The following ZNF623 variants were observed in gnomAD, a reference collection of about 807,000 sequenced individuals.
ZNF623 encodes the protein zinc finger protein 623.
A neutral mutation model predicts 24.0 loss-of-function variants in ZNF623; 16 were observed. The observed-to-expected ratio is 0.67, with a 90% CI of 0.45 to 1.01. The LOEUF (loss-of-function observed/expected upper bound fraction) is 1.01, where lower values mean the gene tolerates loss of function less well. Ranked by LOEUF, ZNF623 falls within the 50% of genes least tolerant of loss-of-function variation. ZNF623 has a pLI of 0.00. For synonymous variants in ZNF623, 224 were observed against 219.8 expected (o/e 1.02, Z -0.17); for missense variants, 566 against 606.5 (o/e 0.93, Z 0.70).
At chr8:143,640,337 C>G (rs1173933450) in intron 1 of ZNF623, among the ~76,000 whole-genome samples, 1 of 152,150 alleles carries the variant, frequency 6.6e-6, no homozygotes, top group Non-Finnish European at 1.5e-5. Context: ...GCTGACTGAT[C>G]AGGGTGATGG....
chr8:143,651,285 G>A lies in ZNF623; in HGVS notation c.1293G>A (p.Arg431=). Residue 431 remains arginine (R), a synonymous_variant, in exon 2 of 2, where the codon AGG becomes AGA. Transcript: ENST00000526926. ...ATTGTGGGAAAGGCTTTATTCAGAG[G>A]TCAAACTTCCTTCAACACCAGAAAA... ...CSYCGKGFIQ[R]SNFLQHQKIH... The A allele has an allele frequency of 6.2e-7, 1 of 1,614,228 alleles. No homozygotes were observed. Among genetic ancestry groups the A allele is most frequent in the Non-Finnish European group, 8.5e-7 (1 of 1,180,052 alleles).
At position 143,650,369 on chromosome 8, in the gene ZNF623, T is replaced by G. The variant is rs1484214734; in HGVS notation, c.377T>G (p.Leu126Arg). The G allele has an allele frequency of 7.4e-6, 12 of 1,614,108 alleles. No individual in the cohort carries two copies. The highest frequency in any genetic ancestry group is 1.0e-5 in the Non-Finnish European group (12 of 1,180,058). The change falls in exon 2 of 2, where the codon CTT becomes CGT. Residue 126 changes from leucine (L) to arginine (R), a missense_variant. Around this residue, in one of 3 missense-constraint regions of ZNF623, gnomAD observed 313 missense variants for 300.4 expected, o/e 1.04. Transcript: ENST00000526926. The surrounding 1 kb of genome is among the most constrained non-coding windows in gnomAD (Gnocchi z 5.2). ...AAAGGCTTTGGCCAGAGCTCACACC[T>G]TATGGAGCATCAGAGAATTCACACT... is the stretch of plus-strand genomic sequence containing the variant. ...CGKGFGQSSH[L>R]MEHQRIHTGE...
At chr8:143,640,157 A>T (rs189140863) in intron 1 of ZNF623, among the ~76,000 whole-genome samples, 1 of 152,372 alleles carries the variant, frequency 6.6e-6, no homozygotes, top group East Asian at 1.9e-4. Context: ...TTAGCTTCCC[A>T]GTGTATATAA....
intron 1 of ZNF623, among the ~76,000 whole-genome samples, chr8:143,638,747 T>C (rs139062620): frequency 6.6e-6 from 1 of 151,682 alleles, no homozygotes; most frequent in African/African-American, 2.4e-5. Context: ...AGAGTGAGAC[T>C]CTGTCTCAAA....
chr8:143,639,162 G>C (rs1814991964), intron 1 of ZNF623, among the ~76,000 whole-genome samples: 1 of 151,612 alleles, frequency 6.6e-6, no homozygotes. Context: ...AAAGTGCTGG[G>C]ATTACAGGCA....
intron 1 of ZNF623, among the ~76,000 whole-genome samples, chr8:143,645,161 C>T (rs906456448): frequency 2.0e-4 from 29 of 144,634 alleles, no homozygotes; most frequent in Non-Finnish European, 1.4e-4. Context: ...TACAAATGGT[C>T]GGCCGAGCGT....
At chr8:143,636,570 G>T (rs1468527317) in intron 1 of ZNF623, among the ~76,000 whole-genome samples, 1 of 152,220 alleles carries the variant, frequency 6.6e-6, no homozygotes, top group East Asian at 1.9e-4. Context: ...CTGGGTGTGG[G>T]CGTTCCCGCG....
intron 1 of ZNF623, among the ~76,000 whole-genome samples, chr8:143,644,994 G>A (rs1174365218): frequency 6.6e-6 from 1 of 152,034 alleles, no homozygotes; most frequent in Non-Finnish European, 1.5e-5. Context: ...TGGGTGTGAT[G>A]GCGCAAGCCT....
chr8:143,646,409 T>C (rs962745993), intron 1 of ZNF623, among the ~76,000 whole-genome samples: 1 of 152,166 alleles, frequency 6.6e-6, no homozygotes, highest in Non-Finnish European at 1.5e-5. Context: ...CAGATATTGA[T>C]GAAATGTATT....
rs562678913 is a variant in ZNF623 at position 143,652,307 on chromosome 8, A to G, written c.*824A>G. 6.6e-5 allele frequency: 11 copies of G among 167,268 alleles called. No individual in the cohort carries two copies. The highest frequency in any genetic ancestry group is 1.0e-4 in the Non-Finnish European group (7 of 68,132). 10.4% of individuals were successfully genotyped at this position (167,268 alleles called of 1,614,324 possible). ...ACTATGCTGTTGGGTTCCTGAGGAC[A>G]GTGATCATATCTGATTGATTTCCAT... On this transcript the variant is annotated 3_prime_UTR_variant, in exon 2 of 2. Coordinates refer to ENST00000526926, the MANE Select transcript of ZNF623 (RefSeq NM_001261843.2).
In ZNF623 at chr8:143,653,235, G is replaced by A. The variant is rs1025679917; in HGVS notation, c.*1752G>A. 24 of 167,056 alleles carry A rather than the reference G, an allele frequency of 1.4e-4. No individual in the cohort carries two copies. The highest frequency in any genetic ancestry group is 2.9e-5 in the Non-Finnish European group (2 of 68,114). The allele number at this position is 167,056 out of a possible 1,614,324, so 10.3% of individuals were successfully genotyped here. ...TTACCTCTGAATTTCATCTGGACATGAACCCCAAAGTCCAGTTTTGTAACG... is the reference window on the plus strand; with the variant it reads ...TTACCTCTGAATTTCATCTGGACATAAACCCCAAAGTCCAGTTTTGTAACG... On this transcript the variant is annotated 3_prime_UTR_variant, in exon 2 of 2. Transcript: ENST00000526926.
chr8:143,647,078 A>G (rs1331807491), intron 1 of ZNF623, among the ~76,000 whole-genome samples: 1 of 151,994 alleles, frequency 6.6e-6, no homozygotes, highest in Non-Finnish European at 1.5e-5. Flanking sequence ...TGATTGGTCA[A>G]GTGGTCAGAA....
chr8:143,653,312 C>T lies in ZNF623; in HGVS notation c.*1829C>T, dbSNP rs747371028. 6 of 166,990 alleles carry T rather than the reference C, an allele frequency of 3.6e-5. No individual in the cohort carries two copies. Among genetic ancestry groups the T allele is most frequent in the Non-Finnish European group, 7.3e-5 (5 of 68,110 alleles). 10.3% of individuals were successfully genotyped at this position (166,990 alleles called of 1,614,324 possible). A position where few individuals can be genotyped will look rare whatever the true frequency, so the allele number is the denominator to read the frequency against. Reference sequence around the variant, plus strand: ...ATTTTGAGTTCTTAAATACTACCAACCCTGAACGTCTCAGGACAAATAATT... The same window carrying T: ...ATTTTGAGTTCTTAAATACTACCAATCCTGAACGTCTCAGGACAAATAATT... On this transcript the variant is annotated 3_prime_UTR_variant, in exon 2 of 2. Coordinates refer to ENST00000526926, the MANE Select transcript of ZNF623 (RefSeq NM_001261843.2).
Position 143,651,536 on chromosome 8 carries a change from ATTC to A in ZNF623, c.*54_*56del. 6.6e-7 allele frequency: 1 copy of A among 1,521,072 alleles called. No individual in the cohort carries two copies. Among genetic ancestry groups the A allele is most frequent in the Non-Finnish European group, 8.8e-7 (1 of 1,136,520 alleles). The allele number at this position is 1,521,072 out of a possible 1,614,324, so 94.2% of individuals were successfully genotyped here. A position where few individuals can be genotyped will look rare whatever the true frequency, so the allele number is the denominator to read the frequency against. On this transcript the variant is annotated 3_prime_UTR_variant, in exon 2 of 2. Transcript: ENST00000526926. The stretch of plus-strand genomic sequence containing the variant: ...ATGTTTGGAAATGCGTGGAATTAGG[ATTC>A]ATGTGGTTTCTAAGATTTGGACATG...
rs200303336 is a variant in ZNF623 at position 143,647,147 on chromosome 8, G to GT, written c.-95-2737dup. 7.3e-4 allele frequency among the ~76,000 whole-genome samples: 98 copies of GT among 133,936 alleles called. 1 individual carries two copies. In the South Asian group the frequency reaches 7.7e-3, roughly 10 times the overall value. The allele number at this position is 133,936 out of a possible 152,430, so 87.9% of individuals were successfully genotyped here. ...ATGCTGAGGGTGGGGGTGCCTTGCT[G>GT]TTTTTTTTTTTTTTGTTTTGTTTCG... On this transcript the variant is annotated intron_variant, in intron 1 of 1. Transcript: ENST00000526926.
intron 1 of ZNF623, among the ~76,000 whole-genome samples, chr8:143,642,205 G>A (rs934903197): frequency 1.3e-5 from 2 of 152,136 alleles, no homozygotes; most frequent in Non-Finnish European, 2.9e-5. Flanking sequence ...GCACTTCTAT[G>A]TGTGGAAGTG....
Position 143,650,140 on chromosome 8 carries a change from A to C in ZNF623, c.148A>C (p.Thr50Pro). The change falls in exon 2 of 2, where the codon ACA becomes CCA. Residue 50 changes from threonine (T) to proline (P), a missense_variant. Physicochemically the swap from Thr to Pro is conservative, Grantham distance 38. Transcript: ENST00000526926. The surrounding 1 kb of genome is among the most constrained non-coding windows in gnomAD (Gnocchi z 5.2). ...GACAGTGACCCATTGGAAGATCCAG[A>C]CAGGAGAGACAGCTCAAGTGTGCAC... ...QVTVTHWKIQ[T>P]GETAQVCTKS... is the part of the protein sequence containing the mutation. The C allele has an allele frequency of 6.2e-7, 1 of 1,614,190 alleles. No individual in the cohort carries two copies. Among genetic ancestry groups the C allele is most frequent in the Non-Finnish European group, 8.5e-7 (1 of 1,180,036 alleles).
Position 143,649,967 on chromosome 8 carries a change from G to C in ZNF623, c.-26G>C. ...ATTTCTGAGGATGAAAACTCACATA[G>C]GACGACGTCAGACAGACTCACGGTG... On this transcript the variant is annotated 5_prime_UTR_variant, in exon 2 of 2. Transcript: ENST00000526926. 1.2e-6 allele frequency: 2 copies of C among 1,614,148 alleles called. No homozygotes were observed. The highest frequency in any genetic ancestry group is 1.3e-5 in the African/African-American group (1 of 75,052).
Position 143,650,962 on chromosome 8 carries a change from C to T in ZNF623, c.970C>T (p.Gln324Ter), listed in dbSNP as rs1815293437. ...KRFSQTSNFT[Q>*]HQRIHTGEKL... ...CTTCAGCCAGACGTCAAACTTCACC[C>T]AGCATCAGAGAATTCACACTGGAGA... The change falls in exon 2 of 2, where the codon CAG becomes TAG. Residue 324 changes from glutamine to a stop codon, truncating the protein, a stop_gained. Coordinates refer to ENST00000526926, the MANE Select transcript of ZNF623 (RefSeq NM_001261843.2). LOFTEE classifies it high-confidence loss of function. This position sits in a 1 kb window ranked among gnomAD's most constrained non-coding sequence, Gnocchi z 5.2. 6.2e-7 allele frequency: 1 copy of T among 1,613,394 alleles called. No homozygotes were observed. Among genetic ancestry groups the T allele is most frequent in the Admixed American group, 1.7e-5 (1 of 59,940 alleles).
Sources: gnomAD v4.1 joint callset for allele counts (sites outside exome capture counted in the v4.1 genomes callset) on GRCh38, gnomAD v4.1.1 for gene constraint, gnomAD v4.1.1 regional missense constraint, Gnocchi (gnomAD v3.1) non-coding constraint, MANE v1.5 for transcripts, NCBI Gene and HGNC (gene_info 2026-07-23, HGNC 2026-07-21) for gene names.